SLC44A5: variants seen among roughly 807,000 people sequenced by gnomAD.
The protein encoded by SLC44A5 is solute carrier family 44 member 5, also known as choline transporter-like protein 5.
A neutral mutation model predicts 101.8 loss-of-function variants in SLC44A5; 57 were observed. The observed-to-expected ratio is 0.56, with a 90% CI of 0.45 to 0.70. The LOEUF is 0.70. SLC44A5 is among the 30% of genes least tolerant of loss of function. The pLI is 0.00. For synonymous variants in SLC44A5, 281 were observed against 290.9 expected, an observed-to-expected ratio of 0.97 and a Z score of 0.35; for missense variants, 737 against 853.1, an observed-to-expected ratio of 0.86 and a Z score of 1.70.
intron 9 of SLC44A5, among the ~76,000 whole-genome samples, chr1:75,241,168 G>A (rs981967509): frequency 6.6e-6 from 1 of 150,896 alleles, no homozygotes. Flanking sequence ...GCTTTTTTTT[G>A]TAATTAGGAT....
intron 11 of SLC44A5, among the ~76,000 whole-genome samples, chr1:75,234,506 T>C (rs1647891190): frequency 6.6e-6 from 1 of 152,052 alleles, no homozygotes; most frequent in Admixed American, 6.6e-5. Context: ...ATTTACTTAG[T>C]GACTGGTGGA....
In SLC44A5 at chr1:75,435,502, C is replaced by T. The variant is rs186771977; in HGVS notation, c.14-38881G>A. Among the ~76,000 whole-genome samples, 566 of 152,022 alleles carry T rather than the reference C, an allele frequency of 3.7e-3. 3 individuals carry two copies. The highest frequency in any genetic ancestry group is 0.01 in the Middle Eastern group (3 of 294). ...TCTCTGATTCCAGATTTTTATACAC[C>T]AAAAGGATACTCCAAGAGTGACTAT... On this transcript the variant is annotated intron_variant, in intron 2 of 23. Coordinates refer to ENST00000370859, the MANE Select transcript of SLC44A5 (RefSeq NM_001130058.2).
Position 75,582,536 on chromosome 1 carries a change from C to A in SLC44A5, c.-70+28504G>T, listed in dbSNP as rs1673756190. On this transcript the variant is annotated intron_variant, in intron 1 of 23. Coordinates refer to ENST00000370859, the MANE Select transcript of SLC44A5 (RefSeq NM_001130058.2). ...TCCAGCTCAGGCTCCCAAAGGCGCC[C>A]AGGCCACTACAAAGGGTTCAAAGTA... 5 of 531,050 alleles carry A rather than the reference C, an allele frequency of 9.4e-6. No individual in the cohort carries two copies. The Admixed American group carries it at 1.2e-4, about 13-fold the overall frequency. 32.9% of individuals were successfully genotyped at this position (531,050 alleles called of 1,614,324 possible).
chr1:75,553,666 G>A (rs1020925399), intron 1 of SLC44A5, among the ~76,000 whole-genome samples: 3 of 152,138 alleles, frequency 2.0e-5, no homozygotes, highest in Non-Finnish European at 4.4e-5. Context: ...CATACAGATG[G>A]CTGGATATTC....
chr1:75,367,774 C>T (rs374021311), intron 3 of SLC44A5, among the ~76,000 whole-genome samples: 10 of 152,342 alleles, frequency 6.6e-5, no homozygotes, highest in Admixed American at 2.0e-4. Context: ...TGGGCACAGG[C>T]CTGCCTTCTC....
chr1:75,331,004 C>G (rs1375888596), intron 4 of SLC44A5, among the ~76,000 whole-genome samples: 3 of 139,998 alleles, frequency 2.1e-5, no homozygotes, highest in Non-Finnish European at 4.6e-5. Flanking sequence ...ACATCTGATT[C>G]TCCTGCCTTT....
intron 1 of SLC44A5, among the ~76,000 whole-genome samples, chr1:75,565,334 C>T (rs954517856): frequency 2.0e-5 from 3 of 152,104 alleles, no homozygotes; most frequent in African/African-American, 7.2e-5. Flanking sequence ...CAGCAGGAGA[C>T]AAAGAGAAGT....
At chr1:75,322,411 C>T (rs920589669) in intron 4 of SLC44A5, among the ~76,000 whole-genome samples, 2 of 150,772 alleles carry the variant, frequency 1.3e-5, no homozygotes, top group African/African-American at 4.9e-5. Context: ...AAAAAAAAAT[C>T]TCATTTCATC....
intron 4 of SLC44A5, among the ~76,000 whole-genome samples, chr1:75,307,092 G>T (rs1314839896): frequency 2.6e-5 from 4 of 152,028 alleles, no homozygotes; most frequent in Non-Finnish European, 5.9e-5. Flanking sequence ...ATCCTGAAAG[G>T]TCATTAATAT....
intron 2 of SLC44A5, among the ~76,000 whole-genome samples, chr1:75,468,937 C>T (rs1041063677): frequency 6.6e-6 from 1 of 151,950 alleles, no homozygotes; most frequent in Non-Finnish European, 1.5e-5. Context: ...TCATGTACCT[C>T]ATAAATATAT....
chr1:75,278,766 TACA>T (rs985630612), intron 5 of SLC44A5, among the ~76,000 whole-genome samples: 9 of 152,210 alleles, frequency 5.9e-5, no homozygotes, highest in South Asian at 4.1e-4. Context: ...GAAAATCAAA[TACA>T]ACAAGTGGTG....
chr1:75,669,550 T>A, the SLC44A5 span, among the ~76,000 whole-genome samples: 3 of 152,364 alleles, frequency 2.0e-5, no homozygotes, highest in African/African-American at 4.8e-5. Flanking sequence ...CCGAGATTGA[T>A]AAGGAGTTCT....
At chr1:75,575,739 G>T (rs997669583) in intron 1 of SLC44A5, among the ~76,000 whole-genome samples, 1 of 152,136 alleles carries the variant, frequency 6.6e-6, no homozygotes, top group African/African-American at 2.4e-5. Flanking sequence ...AATCTGAGCT[G>T]ACCTTGTGTG....
chr1:75,252,376 T>C (rs1309229522), intron 6 of SLC44A5, among the ~76,000 whole-genome samples: 1 of 152,188 alleles, frequency 6.6e-6, no homozygotes, highest in African/African-American at 2.4e-5. Flanking sequence ...AATCTAAGGA[T>C]AAAGAAAGTC....
At chr1:75,659,703 G>A in the SLC44A5 span, among the ~76,000 whole-genome samples, 1 of 151,212 alleles carries the variant, frequency 6.6e-6, no homozygotes, top group South Asian at 2.1e-4. Context: ...AGAAGCCGAG[G>A]TAGGAGGATT....
intron 1 of SLC44A5, among the ~76,000 whole-genome samples, chr1:75,547,216 C>T (rs958845440): frequency 2.0e-5 from 3 of 152,096 alleles, no homozygotes; most frequent in South Asian, 2.1e-4. Flanking sequence ...TTATTATGTC[C>T]TAATTGAAGA....
At chr1:75,481,074 G>A (rs544497365) in intron 2 of SLC44A5, among the ~76,000 whole-genome samples, 32 of 152,146 alleles carry the variant, frequency 2.1e-4, no homozygotes, top group African/African-American at 7.7e-4. Context: ...CAATGGAACA[G>A]AACAGAGCCC....
chr1:75,578,825 T>C (rs1235009995), intron 1 of SLC44A5, among the ~76,000 whole-genome samples: 1 of 152,214 alleles, frequency 6.6e-6, no homozygotes, highest in South Asian at 2.1e-4. Context: ...GACAGATATG[T>C]TATCAGGCTT....
intron 4 of SLC44A5, among the ~76,000 whole-genome samples, chr1:75,301,426 G>T (rs1370233834): frequency 2.9e-4 from 44 of 152,142 alleles, no homozygotes; most frequent in Non-Finnish European, 2.9e-5. Context: ...AAGGTCAAAG[G>T]TATGGCTTGA....
Sources: allele counts gnomAD v4.1 joint callset (sites outside exome capture counted in the v4.1 genomes callset), GRCh38; gene constraint gnomAD v4.1.1; transcripts MANE v1.5; gene names NCBI Gene and HGNC (gene_info 2026-07-23, HGNC 2026-07-21).